The following GDAP1 variants were observed in gnomAD, a reference collection of about 807,000 sequenced individuals.
GDAP1 encodes the protein ganglioside induced differentiation associated protein 1, also known as ganglioside-induced differentiation-associated protein 1.
In GDAP1, 34 loss-of-function variants were observed where a neutral mutation model predicts 40.1. That is an observed-to-expected ratio of 0.85 (90% CI 0.64 to 1.13). The LOEUF (loss-of-function observed/expected upper bound fraction) is 1.13, where lower values mean the gene tolerates loss of function less well. Ranked by LOEUF, GDAP1 falls within the 50% of genes most tolerant of loss-of-function variation. GDAP1 has a pLI of 0.00. For missense variants in GDAP1, 374 were observed against 433.7 expected (o/e 0.86, Z 1.22); for synonymous variants, 170 against 157.4 (o/e 1.08, Z -0.60).
intron 5 of GDAP1, among the ~76,000 whole-genome samples, chr8:74,363,395 G>A (rs950429495): frequency 6.6e-6 from 1 of 152,200 alleles, no homozygotes; most frequent in Admixed American, 6.5e-5. Context: ...CAGGGAGACA[G>A]CCTCCAATCT....
At chr8:74,375,581 C>T (rs796084328) in intron 2 of GDAP1, among the ~76,000 whole-genome samples, 21 of 152,238 alleles carry the variant, frequency 1.4e-4, no homozygotes, top group African/African-American at 4.8e-4. Flanking sequence ...TAAAATTCAG[C>T]ACATATTCAA....
At chr8:74,424,866 C>T (rs532798536) in intron 2 of GDAP1, among the ~76,000 whole-genome samples, 1 of 152,262 alleles carries the variant, frequency 6.6e-6, no homozygotes, top group South Asian at 2.1e-4. Flanking sequence ...CTCTACCTGC[C>T]ACTAACAAAT....
In GDAP1 at chr8:74,365,571, G is replaced by A. The variant is rs1398038060; in HGVS notation, c.*1204G>A. 2.2e-6 allele frequency: 1 copy of A among 454,520 alleles called. No homozygotes were observed. The highest frequency in any genetic ancestry group is 1.6e-5 in the South Asian group (1 of 64,472). 28.2% of individuals were successfully genotyped at this position (454,520 alleles called of 1,614,324 possible). A position where few individuals can be genotyped will look rare whatever the true frequency, so the allele number is the denominator to read the frequency against. ...GAAGGCCTTAGAAGCCATTTCTGGT[G>A]TCTGGTGGGTAGCAGGCATAGAGAT... On this transcript the variant is annotated 3_prime_UTR_variant, in exon 6 of 6. Transcript: ENST00000220822.
chr8:74,486,612 C>T (rs752072220), intron 2 of GDAP1, among the ~76,000 whole-genome samples: 2 of 152,162 alleles, frequency 1.3e-5, no homozygotes, highest in Non-Finnish European at 2.9e-5. Context: ...GAGGCTGAAG[C>T]ACTGTTGGGA....
intron 2 of GDAP1, among the ~76,000 whole-genome samples, chr8:74,404,371 C>T (rs767397957): frequency 6.7e-6 from 1 of 149,398 alleles, no homozygotes; most frequent in South Asian, 2.1e-4. Context: ...ATAGTAATAT[C>T]ATTTTCTAGA....
chr8:74,351,655 G>C, intron 2 of GDAP1, among the ~76,000 whole-genome samples, 189 bp downstream of exon 2: 1 of 152,150 alleles, frequency 6.6e-6, no homozygotes, highest in East Asian at 1.9e-4. Context: ...GTATAGGCTA[G>C]TGTAATGCTA....
chr8:74,482,970 T>G (rs1489446529), intron 2 of GDAP1, among the ~76,000 whole-genome samples: 1 of 152,182 alleles, frequency 6.6e-6, no homozygotes, highest in African/African-American at 2.4e-5. Context: ...GGACTTGAAT[T>G]CTGCTTGTGC....
intron 2 of GDAP1, among the ~76,000 whole-genome samples, chr8:74,382,553 G>T (rs187532046): frequency 6.6e-6 from 1 of 152,020 alleles, no homozygotes; most frequent in Non-Finnish European, 1.5e-5. Flanking sequence ...ATTGAGTAAC[G>T]TGCTTGGAAT....
rs1330162922 is a variant in GDAP1, at chr8:74,361,933, C to T, written c.534C>T (p.Asn178=). The change falls in exon 4 of 6, where the codon AAC becomes AAT. Residue 178 remains asparagine, a synonymous_variant. Coordinates refer to ENST00000220822, the MANE Select transcript of GDAP1 (RefSeq NM_018972.4). ...ESELKKLAEE[N]PDLQEAYIAK... ...AGCTGAAGAAACTTGCTGAAGAAAA[C>T]CCAGATTTACAAGAAGCATACATTG... 1 of 1,610,294 alleles carries T rather than the reference C, an allele frequency of 6.2e-7. No individual in the cohort carries two copies. Among genetic ancestry groups the T allele is most frequent in the African/African-American group, 1.3e-5 (1 of 75,030 alleles).
chr8:74,461,092 G>T (rs1339214876), intron 2 of GDAP1, among the ~76,000 whole-genome samples: 2 of 152,088 alleles, frequency 1.3e-5, no homozygotes, highest in Non-Finnish European at 2.9e-5. Flanking sequence ...GTCCCACTTT[G>T]GCCTTTGGGC....
At chr8:74,460,047 C>T (rs1806382020) in intron 2 of GDAP1, among the ~76,000 whole-genome samples, 1 of 152,132 alleles carries the variant, frequency 6.6e-6, no homozygotes, top group Non-Finnish European at 1.5e-5. Context: ...AACATCTAGT[C>T]TTTAATAAGG....
chr8:74,368,872 GCT>G (rs1399940453), downstream of GDAP1, among the ~76,000 whole-genome samples: 1 of 152,114 alleles, frequency 6.6e-6, no homozygotes, highest in Non-Finnish European at 1.5e-5. Flanking sequence ...TGCCTGTAGT[GCT>G]CCCCACCCCA....
intron 2 of GDAP1, among the ~76,000 whole-genome samples, chr8:74,429,924 TA>T (rs779261880): frequency 1.1e-4 from 17 of 152,078 alleles, no homozygotes; most frequent in Non-Finnish European, 2.4e-4. Context: ...AATAACAAAC[TA>T]GGAAAACATA....
downstream of GDAP1, among the ~76,000 whole-genome samples, chr8:74,369,511 A>G (rs1303119962): frequency 6.6e-6 from 1 of 152,168 alleles, no homozygotes; most frequent in Non-Finnish European, 1.5e-5. Flanking sequence ...AAGATGGCAA[A>G]AGGAAGATAA....
intron 2 of GDAP1, among the ~76,000 whole-genome samples, chr8:74,466,728 G>A (rs1387124554): frequency 1.3e-5 from 2 of 152,174 alleles, no homozygotes; most frequent in African/African-American, 4.8e-5. Flanking sequence ...AAGTAAAAAC[G>A]TTAAATAGGA....
rs184456067 is a variant in GDAP1 at position 74,415,821 on chromosome 8, A to T, written c.165+64500A>T. Among the ~76,000 whole-genome samples, 17 of 149,948 alleles carry T rather than the reference A, an allele frequency of 1.1e-4. 1 individual carries two copies. The highest frequency in any genetic ancestry group is 4.3e-4 in the African/African-American group (17 of 39,298). On this transcript the variant is annotated intron_variant, in intron 2 of 2. Coordinates refer to the GDAP1 transcript ENST00000523640. ...TCAGGTGGCAGTCACTGGTTGAGAGAAACCCCTAACTGTGAGAGAGGTTCT... is the reference window on the plus strand; with the variant it reads ...TCAGGTGGCAGTCACTGGTTGAGAGTAACCCCTAACTGTGAGAGAGGTTCT...
intron 2 of GDAP1, among the ~76,000 whole-genome samples, chr8:74,355,094 T>C (rs1470203296): frequency 6.6e-6 from 1 of 152,116 alleles, no homozygotes; most frequent in Non-Finnish European, 1.5e-5. Context: ...ATTAAATAAT[T>C]GGTAGTTTGG....
chr8:74,350,442 C>T lies in GDAP1; in HGVS notation c.-20C>T, dbSNP rs188488037. 2.2e-4 allele frequency: 320 copies of T among 1,476,524 alleles called. No homozygotes were observed. In the African/African-American group the frequency reaches 3.6e-3, roughly 17 times the overall value. The allele number at this position is 1,476,524 out of a possible 1,614,324, so 91.5% of individuals were successfully genotyped here. ...TCCAGGGCGGACAGGCTGGGCGCAC[C>T]CGTGCTCGCGCACCCCAAGATGGCT... is the stretch of plus-strand genomic sequence containing the variant. On this transcript the variant is annotated 5_prime_UTR_variant, in exon 1 of 6. Coordinates refer to ENST00000220822, the MANE Select transcript of GDAP1 (RefSeq NM_018972.4).
At chr8:74,384,981 G>A (rs901103194) in intron 2 of GDAP1, among the ~76,000 whole-genome samples, 3 of 152,046 alleles carry the variant, frequency 2.0e-5, no homozygotes, top group Non-Finnish European at 4.4e-5. Context: ...TGCTTTGCTA[G>A]CAAAGCAAAT....
Sources: allele counts gnomAD v4.1 joint callset (sites outside exome capture counted in the v4.1 genomes callset), GRCh38; gene constraint gnomAD v4.1.1; transcripts MANE v1.5; gene names NCBI Gene and HGNC (gene_info 2026-07-23, HGNC 2026-07-21).